Variants in TAFA1 observed in about 807,000 individuals in gnomAD.
TAFA1 encodes the protein TAFA chemokine like family member 1.
A neutral mutation model predicts 18.5 loss-of-function variants in TAFA1; 4 were observed. The observed-to-expected ratio is 0.22, with a 90% CI of 0.11 to 0.49. The LOEUF (loss-of-function observed/expected upper bound fraction) is 0.49. Among genes scored for constraint, TAFA1 ranks in the 20% least tolerant of loss-of-function variants. TAFA1 has a pLI of 0.98. For missense variants in TAFA1, 147 were observed against 169.0 expected, an observed-to-expected ratio of 0.87 and a Z score of 0.72; for synonymous variants, 56 against 55.2, an observed-to-expected ratio of 1.01 and a Z score of -0.06.
intron 2 of TAFA1, among the ~76,000 whole-genome samples, chr3:68,072,460 A>T (rs564830392): frequency 6.6e-6 from 1 of 152,308 alleles, no homozygotes; most frequent in Non-Finnish European, 1.5e-5. Context: ...AAATGTGGAA[A>T]ATGGATTTGG....
At chr3:68,208,331 C>G (rs1200901746) in intron 2 of TAFA1, among the ~76,000 whole-genome samples, 1 of 151,898 alleles carries the variant, frequency 6.6e-6, no homozygotes, top group Non-Finnish European at 1.5e-5. Context: ...TTTCTTTCAG[C>G]TAAGTAGTTA....
At chr3:68,185,776 G>A (rs1403133074) in intron 2 of TAFA1, among the ~76,000 whole-genome samples, 1 of 151,994 alleles carries the variant, frequency 6.6e-6, no homozygotes, top group Non-Finnish European at 1.5e-5. Flanking sequence ...GCCAGGTGTG[G>A]TGGCGCCTGC....
In TAFA1 at chr3:68,524,684, T is replaced by TG. The variant is rs538870992; in HGVS notation, c.260-14072_260-14071insG. 3.1e-3 allele frequency among the ~76,000 whole-genome samples: 475 copies of TG among 152,106 alleles called. 3 individuals are homozygous for TG. The highest frequency in any genetic ancestry group is 0.01 in the African/African-American group (417 of 41,540). The stretch of plus-strand genomic sequence containing the variant: ...TTGTTTTTGTTTTTGTTTTTGTTTT[T>TG]TTTTGAGACTGAGTCTCCCTCTGTC... On this transcript the variant is annotated intron_variant, in intron 3 of 4. Coordinates refer to ENST00000478136, the MANE Select transcript of TAFA1 (RefSeq NM_213609.4).
chr3:68,507,826 A>G (rs1402251607), intron 3 of TAFA1, among the ~76,000 whole-genome samples: 3 of 152,184 alleles, frequency 2.0e-5, no homozygotes, highest in Admixed American at 2.0e-4. Flanking sequence ...TGATGGTGAT[A>G]GTATATAACC....
At chr3:68,279,694 T>A (rs1040358588) in intron 2 of TAFA1, among the ~76,000 whole-genome samples, 1 of 152,304 alleles carries the variant, frequency 6.6e-6, no homozygotes, top group South Asian at 2.1e-4. Flanking sequence ...CATAAAAGCA[T>A]AGAAATGCCA....
At chr3:68,343,985 A>G (rs979327132) in intron 2 of TAFA1, among the ~76,000 whole-genome samples, 1 of 152,136 alleles carries the variant, frequency 6.6e-6, no homozygotes, top group African/African-American at 2.4e-5. Flanking sequence ...CTGGGATTAC[A>G]GGCATGCGCC....
chr3:68,428,604 G>A (rs564999255), intron 3 of TAFA1, among the ~76,000 whole-genome samples: 1 of 151,808 alleles, frequency 6.6e-6, no homozygotes, highest in Non-Finnish European at 1.5e-5. Flanking sequence ...GACATTGGTG[G>A]AACACTCTCA....
At chr3:68,401,703 C>A (rs1234404391) in intron 2 of TAFA1, among the ~76,000 whole-genome samples, 1 of 152,150 alleles carries the variant, frequency 6.6e-6, no homozygotes, top group African/African-American at 2.4e-5. Flanking sequence ...GACCAGGTAC[C>A]AGCCCTTGTT....
intron 3 of TAFA1, among the ~76,000 whole-genome samples, chr3:68,419,471 A>G (rs2070914163): frequency 6.6e-6 from 1 of 152,208 alleles, no homozygotes; most frequent in Admixed American, 6.5e-5. Context: ...ACCACCTTTA[A>G]GACAATTTTA....
chr3:68,530,189 T>G (rs1025331015), intron 3 of TAFA1, among the ~76,000 whole-genome samples: 1 of 152,226 alleles, frequency 6.6e-6, no homozygotes, highest in Non-Finnish European at 1.5e-5. Flanking sequence ...AGAAAGGGAC[T>G]GCAGTTCTTA....
At chr3:68,099,472 C>A (rs1350345191) in intron 2 of TAFA1, among the ~76,000 whole-genome samples, 3 of 152,006 alleles carry the variant, frequency 2.0e-5, no homozygotes, top group Non-Finnish European at 2.9e-5. Flanking sequence ...TCACACCAGT[C>A]AGAATGGCTA....
chr3:68,397,309 C>A (rs557278299), intron 2 of TAFA1, among the ~76,000 whole-genome samples: 2 of 152,272 alleles, frequency 1.3e-5, no homozygotes, highest in South Asian at 4.1e-4. Flanking sequence ...TGTCCCTCCC[C>A]TTGCCCCCTA....
intron 2 of TAFA1, among the ~76,000 whole-genome samples, chr3:68,217,814 C>A (rs1466491342): frequency 6.6e-6 from 1 of 152,004 alleles, no homozygotes; most frequent in African/African-American, 2.4e-5. Context: ...CTTACAAAGA[C>A]AATCTGAGAT....
At chr3:68,114,285 G>T (rs949790239) in intron 2 of TAFA1, among the ~76,000 whole-genome samples, 2 of 152,094 alleles carry the variant, frequency 1.3e-5, no homozygotes, top group African/African-American at 4.8e-5. Context: ...CATTCAGCCT[G>T]TATATGCCCC....
At chr3:68,446,413 C>G (rs963214150) in intron 3 of TAFA1, among the ~76,000 whole-genome samples, 8 of 152,106 alleles carry the variant, frequency 5.3e-5, no homozygotes. Context: ...TGGAAGAAGA[C>G]AGCAAGAGTC....
chr3:68,167,553 G>A (rs1407293222), intron 2 of TAFA1, among the ~76,000 whole-genome samples: 1 of 149,366 alleles, frequency 6.7e-6, no homozygotes, highest in Non-Finnish European at 1.5e-5. Flanking sequence ...TTCCAGCCTG[G>A]GTGACAGAGC....
intron 2 of TAFA1, among the ~76,000 whole-genome samples, chr3:68,085,044 G>A (rs998821137): frequency 6.6e-6 from 1 of 152,112 alleles, no homozygotes; most frequent in African/African-American, 2.4e-5. Context: ...CTATAAACAT[G>A]TGTGTTCAAA....
Position 68,538,872 on chromosome 3 carries a change from A to G in TAFA1, c.376A>G (p.Thr126Ala), listed in dbSNP as rs374756878. 2 of 1,613,316 alleles carry G rather than the reference A, an allele frequency of 1.2e-6. No homozygotes were observed. The highest frequency in any genetic ancestry group is 1.3e-5 in the African/African-American group (1 of 74,878). The change falls in exon 4 of 5, where the codon ACC becomes GCC. Residue 126 changes from threonine (T) to alanine (A), a missense_variant. Coordinates refer to ENST00000478136, the MANE Select transcript of TAFA1 (RefSeq NM_213609.4). ...WMCATGNKIK[T>A]TRIHPRT is the part of the protein sequence containing the mutation. ...GTGCGCAACAGGCAACAAAATTAAG[A>G]CCACGAGAGTAAGTGCACTTATTTC...
At chr3:68,398,425 T>C (rs1441040669) in intron 2 of TAFA1, among the ~76,000 whole-genome samples, 1 of 152,282 alleles carries the variant, frequency 6.6e-6, no homozygotes, top group South Asian at 2.1e-4. Context: ...TAACTCAAGA[T>C]AGATTAAAGA....
Sources: allele counts gnomAD v4.1 joint callset (sites outside exome capture counted in the v4.1 genomes callset), GRCh38; gene constraint gnomAD v4.1.1; transcripts MANE v1.5; gene names NCBI Gene and HGNC (gene_info 2026-07-23, HGNC 2026-07-21).